GATAD1: variants seen among roughly 807,000 people sequenced by gnomAD.
GATAD1 encodes GATA zinc finger domain-containing protein 1.
Under a neutral mutation model 26.5 loss-of-function variants are expected in GATAD1, and 12 were observed. The observed-to-expected ratio is 0.45, with a 90% CI of 0.29 to 0.73. GATAD1 has a LOEUF of 0.73. Among genes scored for constraint, GATAD1 ranks in the 30% least tolerant of loss-of-function variants. The pLI, the probability that GATAD1 is intolerant of heterozygous loss-of-function variation, is 0.10. For synonymous variants in GATAD1, 129 were observed against 133.1 expected (o/e 0.97, Z 0.21); for missense variants, 266 against 342.1 (o/e 0.78, Z 1.75).
At chr7:92,493,103 G>T in the GATAD1 span, 2 of 1,607,590 alleles carry the variant, frequency 1.2e-6, no homozygotes, top group Non-Finnish European at 1.7e-6. Context: ...AGTCACTGAG[G>T]ACATTTAAAA....
chr7:92,460,985 G>T (rs980758450), downstream of GATAD1, among the ~76,000 whole-genome samples: 1 of 152,052 alleles, frequency 6.6e-6, no homozygotes. Flanking sequence ...GTGAACAACC[G>T]CTGGCTTTTA....
chr7:92,476,793 T>C, the GATAD1 span, among the ~76,000 whole-genome samples: 1 of 152,020 alleles, frequency 6.6e-6, no homozygotes, highest in Non-Finnish European at 1.5e-5. Flanking sequence ...TCAAGAGCTG[T>C]ATGCCTAAAT....
the GATAD1 span, chr7:92,489,172 T>C: frequency 1.1e-6 from 1 of 935,424 alleles, no homozygotes; most frequent in Non-Finnish European, 1.7e-6. Flanking sequence ...CACATATTTT[T>C]TGAATTAGCT....
the GATAD1 span, among the ~76,000 whole-genome samples, chr7:92,482,591 C>T: frequency 6.6e-6 from 1 of 151,542 alleles, no homozygotes; most frequent in Non-Finnish European, 1.5e-5. Flanking sequence ...GGCGTGTGAT[C>T]GGTTGCCAGG....
At chr7:92,470,960 C>G in the GATAD1 span, 2 of 167,270 alleles carry the variant, frequency 1.2e-5, no homozygotes, top group African/African-American at 4.8e-5. Context: ...TCTCGACCTT[C>G]CCTGAGGACT....
In GATAD1 at chr7:92,460,043, A is replaced by G. The variant is rs1562824569; in HGVS notation, c.*3481A>G. Among the ~76,000 whole-genome samples, 3 of 152,236 alleles carry G rather than the reference A, an allele frequency of 2.0e-5. No homozygotes were observed. The South Asian group carries it at 6.2e-4, about 32-fold the overall frequency. On this transcript the variant is annotated 3_prime_UTR_variant, in exon 5 of 5. Transcript: ENST00000287957. ...GTTTTAAATAGTTCTCTTAACACAA[A>G]TAAAGCTTAATATGAGTATTTGAAG...
At chr7:92,484,393 G>A in the GATAD1 span, among the ~76,000 whole-genome samples, 4 of 152,038 alleles carry the variant, frequency 2.6e-5, no homozygotes, top group Non-Finnish European at 4.4e-5. Context: ...TGCAGTTGAC[G>A]TACCACCAAG....
the GATAD1 span, among the ~76,000 whole-genome samples, chr7:92,468,160 A>G: frequency 2.9e-4 from 44 of 152,330 alleles, no homozygotes; most frequent in Admixed American, 9.1e-4. Flanking sequence ...GTTCAGCTCA[A>G]TTAGGATGAA....
rs1452312114 is a variant in GATAD1 at position 92,448,797 on chromosome 7, A to C, written c.295A>C (p.Lys99Gln). 1 of 1,610,362 alleles carries C rather than the reference A, an allele frequency of 6.2e-7. No homozygotes were observed. Among genetic ancestry groups the C allele is most frequent in the Admixed American group, 1.7e-5 (1 of 60,022 alleles). ...HRRSARLRNT[K>Q]YKSAPAAEKK... Reference sequence around the variant, plus strand: ...GAGGTCTGCTCGGCTCAGAAACACTAAATACAAATCTGCTCCGGCTGCTGA... The same window carrying C: ...GAGGTCTGCTCGGCTCAGAAACACTCAATACAAATCTGCTCCGGCTGCTGA... Residue 99 changes from lysine to glutamine, a missense_variant, in exon 2 of 5, where the codon AAA becomes CAA. By Grantham distance (53) the Lys-to-Gln change is moderately conservative. Transcript: ENST00000287957.
At chr7:92,451,536 A>G (rs745721080) in intron 3 of GATAD1, among the ~76,000 whole-genome samples, 13 of 152,208 alleles carry the variant, frequency 8.5e-5, no homozygotes, top group Non-Finnish European at 1.9e-4. Context: ...GAGAAACTCA[A>G]GTGATGATGC....
At chr7:92,478,593 G>T in the GATAD1 span, among the ~76,000 whole-genome samples, 1 of 152,092 alleles carries the variant, frequency 6.6e-6, no homozygotes, top group Non-Finnish European at 1.5e-5. Flanking sequence ...TGACCTGCAG[G>T]GATCTTTGGT....
At position 92,459,952 on chromosome 7, in the gene GATAD1, T is replaced by C. The variant is rs1012348097; in HGVS notation, c.*3390T>C. 1.3e-5 allele frequency among the ~76,000 whole-genome samples: 2 copies of C among 152,252 alleles called. No homozygotes were observed. Among genetic ancestry groups the C allele is most frequent in the Non-Finnish European group, 2.9e-5 (2 of 68,040 alleles). ...GTGAATAGTCAAGTAAAATTTAGAT[T>C]GTTACATTCTGGGTTAGTATTAGAT... On this transcript the variant is annotated 3_prime_UTR_variant, in exon 5 of 5. Coordinates refer to ENST00000287957, the MANE Select transcript of GATAD1 (RefSeq NM_021167.5).
At chr7:92,469,783 A>G in the GATAD1 span, 1 of 764,874 alleles carries the variant, frequency 1.3e-6, no homozygotes, top group Non-Finnish European at 2.4e-6. Flanking sequence ...AGGTACAGGG[A>G]TTGAAACATA....
chr7:92,448,054 G>A (rs956583183), intron 1 of GATAD1, 76 bp downstream of exon 1: 18 of 1,078,740 alleles, frequency 1.7e-5, no homozygotes, highest in Admixed American at 1.4e-4. Flanking sequence ...GGCTGGGAGC[G>A]GGCGGGCGCG....
At chr7:92,493,323 G>A in the GATAD1 span, 1 of 393,202 alleles carries the variant, frequency 2.5e-6, no homozygotes, top group Non-Finnish European at 4.4e-6. Flanking sequence ...AATATATATA[G>A]GAAAATGAAT....
chr7:92,456,167 A>G (rs2115884371), intron 4 of GATAD1, among the ~76,000 whole-genome samples: 1 of 152,182 alleles, frequency 6.6e-6, no homozygotes, highest in East Asian at 1.9e-4. Context: ...GTGTTCAATC[A>G]CTGTTTTTGG....
At chr7:92,451,326 C>T (rs1201449959) in intron 3 of GATAD1, among the ~76,000 whole-genome samples, 1 of 152,166 alleles carries the variant, frequency 6.6e-6, no homozygotes, top group Non-Finnish European at 1.5e-5. Context: ...ACATCTGATA[C>T]CTCAGTGAGA....
At chr7:92,469,492 A>C in the GATAD1 span, 4 of 769,058 alleles carry the variant, frequency 5.2e-6, no homozygotes, top group Admixed American at 3.4e-5. Context: ...GTAGATGGTC[A>C]TAGGGGGCAC....
At position 92,454,435 on chromosome 7, in the gene GATAD1, A is replaced by T. The variant is rs1585170756; in HGVS notation, c.436-67A>T. 16 of 1,193,936 alleles carry T rather than the reference A, an allele frequency of 1.3e-5. No homozygotes were observed. In the East Asian group the frequency reaches 3.7e-4, roughly 28 times the overall value. 74.0% of individuals were successfully genotyped at this position (1,193,936 alleles called of 1,614,324 possible). The stretch of plus-strand genomic sequence containing the variant: ...ACTTTGAAAACTTGCTTACCTATTA[A>T]GGTTCATTCATAGCTGTGATGTTCT... On this transcript the variant is annotated intron_variant, in intron 3 of 4. Coordinates refer to ENST00000287957, the MANE Select transcript of GATAD1 (RefSeq NM_021167.5).
Sources: allele counts gnomAD v4.1 joint callset (sites outside exome capture counted in the v4.1 genomes callset), GRCh38; gene constraint gnomAD v4.1.1; transcripts MANE v1.5; gene names NCBI Gene and HGNC (gene_info 2026-07-23, HGNC 2026-07-21).